The following GIPC1 variants were observed in gnomAD, a reference collection of about 807,000 sequenced individuals.
GIPC1 encodes GIPC PDZ domain containing family member 1.
GIPC1 carries 15 observed loss-of-function variants against 28.5 expected under a neutral mutation model. That is an observed-to-expected ratio of 0.53 (90% confidence interval 0.35 to 0.81). GIPC1 has a LOEUF of 0.81. Ranked by LOEUF, GIPC1 falls within the 30% of genes least tolerant of loss-of-function variation. GIPC1 has a pLI of 0.01. For synonymous variants in GIPC1, 224 were observed against 206.1 expected (o/e 1.09, Z -0.74); for missense variants, 439 against 481.9 (o/e 0.91, Z 0.83).
At chr19:14,485,507 T>TG (rs2071814648) in intron 3 of GIPC1, among the ~76,000 whole-genome samples, 1 of 151,260 alleles carries the variant, frequency 6.6e-6, no homozygotes. Context: ...AAAACTTAGC[T>TG]GGGCATGGTG....
intron 3 of GIPC1, among the ~76,000 whole-genome samples, chr19:14,484,082 C>G (rs1210718690): frequency 6.6e-6 from 1 of 150,844 alleles, no homozygotes; most frequent in East Asian, 2.0e-4. Flanking sequence ...CTCACTGCAA[C>G]CTCTGCCTCT....
rs1221933305 is a variant in GIPC1 at position 14,482,710 on chromosome 19, G to A, written c.267C>T (p.Ala89=). Residue 89 remains alanine (A), a synonymous_variant, in exon 4 of 9, where the codon GCC becomes GCT. Transcript: ENST00000393033. ...ATACCTCGGCAGTTGGCAGGCGGAA[G>A]GCCTCGGCGATCTTGCCATACAGCT... ...VKELYGKIAE[A]FRLPTAEVMF... 3.7e-6 allele frequency: 6 copies of A among 1,611,392 alleles called. No individual in the cohort carries two copies. Among genetic ancestry groups the A allele is most frequent in the Admixed American group, 1.7e-5 (1 of 59,968 alleles).
chr19:14,495,695 A>G (rs2146500468), intron 1 of GIPC1, among the ~76,000 whole-genome samples: 1 of 152,148 alleles, frequency 6.6e-6, no homozygotes, highest in South Asian at 2.1e-4. Context: ...CGGTTAGCTC[A>G]GGGGAAGTGC....
In GIPC1 at chr19:14,478,288, C is replaced by A; in HGVS notation, c.*128G>T. 1 of 949,486 alleles carries A rather than the reference C, an allele frequency of 1.1e-6. No homozygotes were observed. The highest frequency in any genetic ancestry group is 1.6e-6 in the Non-Finnish European group (1 of 644,736). 58.8% of individuals were successfully genotyped at this position (949,486 alleles called of 1,614,324 possible). A position where few individuals can be genotyped will look rare whatever the true frequency, so the allele number is the denominator to read the frequency against. ...GGGGCAGGGGGCCTGGCCCCACCTC[C>A]CCTCACCATCGTCCTTGGGCTGCTG... On this transcript the variant is annotated 3_prime_UTR_variant, in exon 9 of 9. Coordinates refer to ENST00000393033, the MANE Select transcript of GIPC1 (RefSeq NM_005716.4). This position sits in a 1 kb window ranked among gnomAD's most constrained non-coding sequence, Gnocchi z 5.2.
chr19:14,483,182 G>A, intron 3 of GIPC1, 176 bp from the exon 4 acceptor site: 1 of 574,874 alleles, frequency 1.7e-6, no homozygotes, highest in Non-Finnish European at 3.0e-6. Flanking sequence ...AGGGCTGGGT[G>A]CGGTGGCTCA....
At chr19:14,494,915 C>A (rs34943740) in intron 1 of GIPC1, among the ~76,000 whole-genome samples, 23,226 of 152,132 alleles carry the variant, frequency 0.15, 1,931 homozygotes, top group South Asian at 0.22. Flanking sequence ...CACGGCCACA[C>A]AGAAGCAGTG....
Position 14,479,522 on chromosome 19 carries a change from T to C in GIPC1, c.658A>G (p.Met220Val), listed in dbSNP as rs1426569575. Reference protein sequence around the residue: ...KLTEPRKAFDMISQRSAGGRP... With the variant: ...KLTEPRKAFDVISQRSAGGRP... ...CCACCCGCTGAACGCTGGCTGATCA[T>C]GTCTGTGGGAGGCAGGAGAGGAGTG... is the stretch of plus-strand genomic sequence containing the variant. The change falls in exon 7 of 9, where the codon ATG becomes GTG. Residue 220 changes from methionine to valine, a missense_variant and splice_region_variant. Transcript: ENST00000393033. 7 of 1,431,836 alleles carry C rather than the reference T, an allele frequency of 4.9e-6. No homozygotes were observed. The highest frequency in any genetic ancestry group is 6.4e-6 in the Non-Finnish European group (7 of 1,091,998). The allele number at this position is 1,431,836 out of a possible 1,614,324, so 88.7% of individuals were successfully genotyped here. A position where few individuals can be genotyped will look rare whatever the true frequency, so the allele number is the denominator to read the frequency against.
At chr19:14,485,725 A>AGAGAGAGAGAGAGAGAGAGAGAGAGAGG (rs1555721820) in intron 3 of GIPC1, among the ~76,000 whole-genome samples, 23 of 141,200 alleles carry the variant, frequency 1.6e-4, no homozygotes, top group African/African-American at 4.7e-4. Context: ...AGAGAGAGAG[A>AGAGAGAGAGAGAGAGAGAGAGAGAGAGG]GAGAGAGAGA....
chr19:14,490,577 T>C (rs1341300019), intron 3 of GIPC1, among the ~76,000 whole-genome samples: 1 of 151,584 alleles, frequency 6.6e-6, no homozygotes, highest in Non-Finnish European at 1.5e-5. Context: ...CTAGGGAGGC[T>C]GAGGCAGGAG....
chr19:14,479,072 C>T (rs1187968588), intron 7 of GIPC1, among the ~76,000 whole-genome samples: 2 of 152,032 alleles, frequency 1.3e-5, no homozygotes, highest in South Asian at 2.1e-4. Flanking sequence ...GGGCTGGGCG[C>T]GGTGGCTCAT....
chr19:14,495,692 C>T (rs896630972), intron 1 of GIPC1, among the ~76,000 whole-genome samples: 5 of 152,216 alleles, frequency 3.3e-5, no homozygotes, highest in South Asian at 2.1e-4. Flanking sequence ...ACGCGGTTAG[C>T]TCAGGGGAAG....
At position 14,480,504 on chromosome 19, in the gene GIPC1, A is replaced by C; in HGVS notation, c.475-19T>G. 3 of 1,606,916 alleles carry C rather than the reference A, an allele frequency of 1.9e-6. No homozygotes were observed. The highest frequency in any genetic ancestry group is 2.2e-5 in the South Asian group (2 of 90,562). On this transcript the variant is annotated intron_variant, in intron 5 of 8. Coordinates refer to ENST00000393033, the MANE Select transcript of GIPC1 (RefSeq NM_005716.4). The stretch of plus-strand genomic sequence containing the variant: ...TGATGCGCTGCGGGGGCGGGGAGTC[A>C]TCAGCCCTTGGGGCTCTGCCCTGGT...
chr19:14,480,850 G>C (rs894613414), intron 4 of GIPC1, 72 bp from the exon 5 acceptor site: 7 of 1,123,212 alleles, frequency 6.2e-6, no homozygotes, highest in Non-Finnish European at 9.2e-6. Flanking sequence ...GGAGGGCGAA[G>C]GGAGAGAGCT....
rs2071641191 is a variant in GIPC1, at chr19:14,478,224, C to T, written c.*192G>A. 2 of 593,626 alleles carry T rather than the reference C, an allele frequency of 3.4e-6. No individual in the cohort carries two copies. Among genetic ancestry groups the T allele is most frequent in the African/African-American group, 1.9e-5 (1 of 53,918 alleles). 36.8% of individuals were successfully genotyped at this position (593,626 alleles called of 1,614,324 possible). A position where few individuals can be genotyped will look rare whatever the true frequency, so the allele number is the denominator to read the frequency against. ...GCACAGGGGGGCCGGGGACCCCGGC[C>T]AGACTGGGAACCAGGGAGGGGATGG... is the stretch of plus-strand genomic sequence containing the variant. On this transcript the variant is annotated 3_prime_UTR_variant, in exon 9 of 9. Coordinates refer to ENST00000393033, the MANE Select transcript of GIPC1 (RefSeq NM_005716.4). This position sits in a 1 kb window ranked among gnomAD's most constrained non-coding sequence, Gnocchi z 5.2.
At chr19:14,480,197 C>G in intron 6 of GIPC1, 108 bp downstream of exon 6, 2 of 933,292 alleles carry the variant, frequency 2.1e-6, no homozygotes, top group South Asian at 2.8e-5. Context: ...GCAACCCCTT[C>G]CCTTTCGGCA....
At chr19:14,495,869 C>T (rs937854658) in intron 1 of GIPC1, among the ~76,000 whole-genome samples, 168 bp downstream of exon 1, 184 of 151,680 alleles carry the variant, frequency 1.2e-3, no homozygotes, top group Admixed American at 3.9e-3. Flanking sequence ...CACCACCCCC[C>T]ACCCCCGCTT....
chr19:14,480,509 C>T (rs2071703854), intron 5 of GIPC1, 24 bp from the exon 6 acceptor site: 1 of 1,606,224 alleles, frequency 6.2e-7, no homozygotes, highest in African/African-American at 1.3e-5. Flanking sequence ...GAGTCATCAG[C>T]CCTTGGGGCT....
At chr19:14,491,960 C>T (rs1011013687) in intron 2 of GIPC1, among the ~76,000 whole-genome samples, 3 of 151,848 alleles carry the variant, frequency 2.0e-5, no homozygotes, top group African/African-American at 4.8e-5. Flanking sequence ...CCCAGCTACT[C>T]GGAAGGCTGA....
chr19:14,480,578 C>T lies in GIPC1; in HGVS notation c.474+15G>A, dbSNP rs751086978. On this transcript the variant is annotated intron_variant, in intron 5 of 8. Transcript: ENST00000393033. ...TCACTCCCAGGCCTCCGGGGTGCCC[C>T]GTCTCCCCAGGCACCTTGATGAAGG... is the stretch of plus-strand genomic sequence containing the variant. The T allele has an allele frequency of 2.5e-6, 4 of 1,611,696 alleles. No homozygotes were observed. Among genetic ancestry groups the T allele is most frequent in the Non-Finnish European group, 3.4e-6 (4 of 1,178,562 alleles).
Sources: gnomAD v4.1 joint callset for allele counts (sites outside exome capture counted in the v4.1 genomes callset) on GRCh38, gnomAD v4.1.1 for gene constraint, Gnocchi (gnomAD v3.1) non-coding constraint, MANE v1.5 for transcripts, NCBI Gene and HGNC (gene_info 2026-07-23, HGNC 2026-07-21) for gene names.